Variants in XIAP observed in about 807,000 individuals in gnomAD.
XIAP encodes the protein X-linked inhibitor of apoptosis.
In XIAP, 3 loss-of-function variants were observed where a neutral mutation model predicts 33.1. That is an observed-to-expected ratio of 0.09 (90% confidence interval 0.04 to 0.23). The LOEUF (loss-of-function observed/expected upper bound fraction) is 0.23, where lower values mean the gene tolerates loss of function less well. Among genes scored for constraint, XIAP ranks in the 10% least tolerant of loss-of-function variants. The pLI, the probability that XIAP is intolerant of heterozygous loss-of-function variation, is 1.00. For synonymous variants in XIAP, 98 were observed against 121.3 expected (o/e 0.81, Z 1.26); for missense variants, 264 against 363.0 (o/e 0.73, Z 2.22).
chrX:123,866,471 T>C (rs1569475656), intron 1 of XIAP, among the ~76,000 whole-genome samples: 2 of 88,730 alleles, frequency 2.3e-5, no homozygotes, highest in South Asian at 4.9e-4. Flanking sequence ...AATTATATTA[T>C]ATACAATATA....
chrX:123,871,796 G>A (rs762937438), intron 1 of XIAP, among the ~76,000 whole-genome samples: 17 of 110,982 alleles, frequency 1.5e-4, no homozygotes, highest in South Asian at 1.1e-3. Context: ...ATTTTTGCTC[G>A]TGAGTGTCTA....
chrX:123,868,328 A>T (rs2053163260), intron 1 of XIAP, among the ~76,000 whole-genome samples: 1 of 111,044 alleles, frequency 9.0e-6, no homozygotes, highest in Non-Finnish European at 1.9e-5. Context: ...CAAACAAAAA[A>T]CCCAGGGTGG....
intron 1 of XIAP, among the ~76,000 whole-genome samples, chrX:123,876,564 G>A (rs1284691335): frequency 9.0e-6 from 1 of 110,701 alleles, no homozygotes; most frequent in African/African-American, 3.3e-5. Flanking sequence ...AATTAGCAGG[G>A]CATGGTGGCA....
intron 6 of XIAP, among the ~76,000 whole-genome samples, chrX:123,905,142 A>G (rs942866584): frequency 5.4e-5 from 6 of 111,759 alleles, no homozygotes; most frequent in Non-Finnish European, 9.4e-5. Context: ...TTTCTGAGAC[A>G]TAGATGTGAT....
chrX:123,889,911 AT>A (rs1039513648), intron 3 of XIAP, among the ~76,000 whole-genome samples: 1 of 105,605 alleles, frequency 9.5e-6, no homozygotes, highest in African/African-American at 3.5e-5. Flanking sequence ...GAGAGCCCAT[AT>A]TGCCAAGGAG....
At chrX:123,877,088 CAG>C (rs1392911803) in intron 1 of XIAP, among the ~76,000 whole-genome samples, 2 of 102,721 alleles carry the variant, frequency 1.9e-5, no homozygotes, top group Middle Eastern at 4.9e-3. Context: ...TTTTTTGAGA[CAG>C]AGTTTTGCTC....
upstream of XIAP, chrX:123,859,742 A>C: frequency 5.3e-6 from 1 of 187,735 alleles, no homozygotes. Context: ...GCGCTAGGTC[A>C]GCTTCTCGGT....
intron 1 of XIAP, chrX:123,878,503 G>C (rs768159800): frequency 9.0e-6 from 1 of 111,647 alleles, no homozygotes; most frequent in Non-Finnish European, 1.9e-5. Flanking sequence ...ATTCTGGGTC[G>C]TTGGCTCAGA....
chrX:123,911,617 G>A lies in XIAP; in HGVS notation c.*4436G>A. The A allele has an allele frequency of 3.1e-6, 1 of 320,032 alleles. No individual in the cohort carries two copies. The highest frequency in any genetic ancestry group is 6.0e-6 in the Non-Finnish European group (1 of 166,269). 26.4% of individuals were successfully genotyped at this position (320,032 alleles called of 1,213,427 possible). A position where few individuals can be genotyped will look rare whatever the true frequency, so the allele number is the denominator to read the frequency against. ...CACTTGAGCCCATGAATTTGAGGCA[G>A]CAGTGAGCTATGATTGTGCCACTGT... On this transcript the variant is annotated 3_prime_UTR_variant, in exon 7 of 7. Coordinates refer to ENST00000371199, the MANE Select transcript of XIAP (RefSeq NM_001167.4).
chrX:123,890,018 T>A, intron 3 of XIAP, among the ~76,000 whole-genome samples: 1 of 67,431 alleles, frequency 1.5e-5, no homozygotes, highest in Admixed American at 1.8e-4. Context: ...TTTTTTTTTT[T>A]TTTTTTTTTT....
In XIAP at chrX:123,913,583, A is replaced by G. The variant is rs1031872505; in HGVS notation, c.*6402A>G. 18 of 323,184 alleles carry G rather than the reference A, an allele frequency of 5.6e-5. No homozygotes were observed. The highest frequency in any genetic ancestry group is 1.1e-4 in the Non-Finnish European group (18 of 168,305). The allele number at this position is 323,184 out of a possible 1,213,427, so 26.6% of individuals were successfully genotyped here. A position where few individuals can be genotyped will look rare whatever the true frequency, so the allele number is the denominator to read the frequency against. ...TGCCTATAGATTTTTGGAGTTTACC[A>G]CTTTCTTATTCTGTATCATTAATGT... On this transcript the variant is annotated 3_prime_UTR_variant, in exon 7 of 7. Coordinates refer to ENST00000371199, the MANE Select transcript of XIAP (RefSeq NM_001167.4).
intron 1 of XIAP, among the ~76,000 whole-genome samples, chrX:123,884,800 AT>A (rs778869223): frequency 9.0e-6 from 1 of 111,477 alleles, no homozygotes; most frequent in African/African-American, 3.3e-5. Flanking sequence ...TCCTTTTAGT[AT>A]TTTATCTGGG....
At chrX:123,866,496 TATATA>T (rs1390262393) in intron 1 of XIAP, among the ~76,000 whole-genome samples, 1 of 100,600 alleles carries the variant, frequency 9.9e-6, no homozygotes, top group Non-Finnish European at 2.0e-5. Context: ...ATATGATTAA[TATATA>T]ATATATGATA....
At position 123,910,618 on chromosome X, in the gene XIAP, C is replaced by T. The variant is rs1179719869; in HGVS notation, c.*3437C>T. On this transcript the variant is annotated 3_prime_UTR_variant, in exon 7 of 7. Transcript: ENST00000371199. Reference sequence around the variant, plus strand: ...GGCTCAGTGGCTCACGCCTGTAATCCCAGCACTTTGGGAGGCTGAGGCAGG... The same window carrying T: ...GGCTCAGTGGCTCACGCCTGTAATCTCAGCACTTTGGGAGGCTGAGGCAGG... 3.1e-6 allele frequency: 1 copy of T among 326,790 alleles called. No homozygotes were observed. Among genetic ancestry groups the T allele is most frequent in the South Asian group, 2.6e-5 (1 of 38,282 alleles). The allele number at this position is 326,790 out of a possible 1,213,427, so 26.9% of individuals were successfully genotyped here. A position where few individuals can be genotyped will look rare whatever the true frequency, so the allele number is the denominator to read the frequency against.
chrX:123,867,661 C>A (rs980243761), intron 1 of XIAP, among the ~76,000 whole-genome samples: 3 of 98,488 alleles, frequency 3.0e-5, no homozygotes, highest in African/African-American at 1.2e-4. Flanking sequence ...TGTGAGCCCC[C>A]GTACCTGGCC....
chrX:123,887,134 G>T (rs746808793), intron 2 of XIAP, among the ~76,000 whole-genome samples: 1 of 112,203 alleles, frequency 8.9e-6, no homozygotes, highest in South Asian at 3.7e-4. Context: ...GGTCAGGCTG[G>T]TCTCAAACTC....
At chrX:123,860,590 A>C (rs965160156) in intron 1 of XIAP, 1 of 245,087 alleles carries the variant, frequency 4.1e-6, no homozygotes, top group East Asian at 1.2e-4. Flanking sequence ...GATCAAAGGG[A>C]TTTCCTCCCC....
In XIAP at chrX:123,899,115, G is replaced by A. The variant is rs1394965056; in HGVS notation, c.1100-1378G>A. On this transcript the variant is annotated intron_variant, in intron 5 of 6. Coordinates refer to ENST00000371199, the MANE Select transcript of XIAP (RefSeq NM_001167.4). ...GGCCTGGGTGACAGAGCGAGACTAC[G>A]TCTCAAAAAAAAAAAAAAAAAAAAA... Among the ~76,000 whole-genome samples the A allele has an allele frequency of 4.5e-3, 81 of 17,840 alleles. 1 individual carries two copies. The highest frequency in any genetic ancestry group is 6.3e-3 in the Non-Finnish European group (74 of 11,751). 15.5% of individuals were successfully genotyped at this position (17,840 alleles called of 115,157 possible).
At position 123,911,059 on chromosome X, in the gene XIAP, T is replaced by C; in HGVS notation, c.*3878T>C. 1 of 328,883 alleles carries C rather than the reference T, an allele frequency of 3.0e-6. No individual in the cohort carries two copies. Among genetic ancestry groups the C allele is most frequent in the Admixed American group, 3.1e-5 (1 of 32,112 alleles). 27.1% of individuals were successfully genotyped at this position (328,883 alleles called of 1,213,427 possible). On this transcript the variant is annotated 3_prime_UTR_variant, in exon 7 of 7. Transcript: ENST00000371199. ...TTCCTGCTGTAAATATGAACTCCCA[T>C]CCTAATACCCTTTTACCTCTCTGTG...
Sources: gnomAD v4.1 joint callset for allele counts (sites outside exome capture counted in the v4.1 genomes callset) on GRCh38, gnomAD v4.1.1 for gene constraint, MANE v1.5 for transcripts, NCBI Gene and HGNC (gene_info 2026-07-23, HGNC 2026-07-21) for gene names.